The following TG variants were observed in gnomAD, a reference collection of about 807,000 sequenced individuals.
The protein encoded by TG is thyroid hormones.
TG carries 270 observed loss-of-function variants against 324.7 expected under a neutral mutation model. That is an observed-to-expected ratio of 0.83 (90% confidence interval 0.75 to 0.92). The LOEUF is 0.92. Among genes scored for constraint, TG ranks in the 40% least tolerant of loss-of-function variants. TG has a pLI of 0.00. For synonymous variants in TG, 1,401 were observed against 1,327.0 expected (o/e 1.06, Z -1.21); for missense variants, 3,591 against 3,456.4 (o/e 1.04, Z -0.98).
chr8:133,126,922 G>A (rs922348039), intron 45 of TG, among the ~76,000 whole-genome samples: 42 of 152,152 alleles, frequency 2.8e-4, no homozygotes, highest in Non-Finnish European at 5.7e-4. Context: ...AAAAAAAAGG[G>A]AGTATATTTT....
At chr8:133,120,911 A>G (rs1021411841) in intron 45 of TG, among the ~76,000 whole-genome samples, 5 of 152,206 alleles carry the variant, frequency 3.3e-5, no homozygotes, top group African/African-American at 1.2e-4. Context: ...GGTGGTCCTC[A>G]GAGGAGCAAT....
At chr8:133,060,461 C>A in intron 41 of TG, 6 of 1,142,336 alleles carry the variant, frequency 5.3e-6, no homozygotes, top group African/African-American at 1.6e-5. Flanking sequence ...TCCATTCCTC[C>A]GCACCCTTGC....
chr8:133,013,676 T>C lies in TG; in HGVS notation c.6474T>C (p.Ala2158=), dbSNP rs1438196943. 3.1e-6 allele frequency: 5 copies of C among 1,614,208 alleles called. No individual in the cohort carries two copies. Among genetic ancestry groups the C allele is most frequent in the Non-Finnish European group, 4.2e-6 (5 of 1,180,038 alleles). Residue 2158 remains alanine, a synonymous_variant, in exon 37 of 48, where the codon GCT becomes GCC. Coordinates refer to ENST00000220616, the MANE Select transcript of TG (RefSeq NM_003235.5). ...GGGCTGTGAGATGTATGTTCTATGC[T>C]GATACTCAAAGCTGCACACATAGTC... ...QPGAVRCMFY[A]DTQSCTHSLQ...
At chr8:132,982,319 G>A (rs1830969477) in intron 34 of TG, among the ~76,000 whole-genome samples, 1 of 152,304 alleles carries the variant, frequency 6.6e-6, no homozygotes, top group Non-Finnish European at 1.5e-5. Flanking sequence ...CATTGCCGCA[G>A]CTCCCTGTGA....
intron 34 of TG, among the ~76,000 whole-genome samples, chr8:132,977,320 A>C (rs898275037): frequency 2.6e-4 from 39 of 152,212 alleles, no homozygotes; most frequent in Non-Finnish European, 2.9e-5. Context: ...CAGCACTGGC[A>C]CATGAGACAA....
At chr8:133,076,470 T>C (rs1215916787) in intron 41 of TG, among the ~76,000 whole-genome samples, 5 of 152,186 alleles carry the variant, frequency 3.3e-5, no homozygotes, top group African/African-American at 9.7e-5. Flanking sequence ...AAGAAGAGCA[T>C]GCTGGGAAGG....
At chr8:133,088,155 C>G (rs873177) in intron 41 of TG, among the ~76,000 whole-genome samples, 26,227 of 152,132 alleles carry the variant, frequency 0.17, 2,493 homozygotes, top group East Asian at 0.21. Flanking sequence ...TTGGGATAGA[C>G]TCTCCCTTGT....
intron 44 of TG, 108 bp downstream of exon 44, chr8:133,113,711 G>A (rs913118886): frequency 6.2e-6 from 8 of 1,294,796 alleles, no homozygotes; most frequent in African/African-American, 1.5e-5. Flanking sequence ...CTTTGTGCTT[G>A]AGGTTTCCTC....
At position 132,923,497 on chromosome 8, in the gene TG, C is replaced by A. The variant is rs764803746; in HGVS notation, c.4688C>A (p.Ser1563Ter). The A allele has an allele frequency of 6.2e-7, 1 of 1,613,904 alleles. No homozygotes were observed. The highest frequency in any genetic ancestry group is 8.5e-7 in the Non-Finnish European group (1 of 1,179,878). ...GAAACAGAGGCCCCTCTTGAGGACT[C>A]ACAGTGTTTGAGTAGGTGCTGGGGG... ...WWETEAPLEDSQCLMMQKFEK... is the reference protein window; with the variant it reads ...WWETEAPLED Residue 1563 changes from serine to a stop codon, truncating the protein, a stop_gained, in exon 22 of 48, where the codon TCA (serine) becomes TAA (stop). Transcript: ENST00000220616. LOFTEE classifies it high-confidence loss of function.
chr8:132,924,925 A>G (rs888109270), intron 22 of TG, among the ~76,000 whole-genome samples: 22 of 152,174 alleles, frequency 1.4e-4, no homozygotes, highest in African/African-American at 5.1e-4. Context: ...ACAGTCTGCA[A>G]GGTCCCTTAA....
In TG at chr8:132,962,977, CT is replaced by C; in HGVS notation, c.5468-9del. The C allele has an allele frequency of 3.1e-6, 5 of 1,611,744 alleles. No homozygotes were observed. Among genetic ancestry groups the C allele is most frequent in the Non-Finnish European group, 4.2e-6 (5 of 1,178,008 alleles). On this transcript the variant is annotated splice_polypyrimidine_tract_variant and intron_variant, in intron 28 of 47. Transcript: ENST00000220616. Reference sequence around the variant, plus strand: ...CATTCTCCCCAACATTGCAACAACTCTTTTTTTTCCTCCTAGATTCTGACAT... The same window carrying C: ...CATTCTCCCCAACATTGCAACAACTCTTTTTTTCCTCCTAGATTCTGACAT...
intron 41 of TG, among the ~76,000 whole-genome samples, chr8:133,066,481 A>G (rs1843058656): frequency 6.6e-6 from 1 of 152,216 alleles, no homozygotes; most frequent in African/African-American, 2.4e-5. Flanking sequence ...AATTTCCAAA[A>G]TGTTTCCAAG....
chr8:133,016,845 T>C (rs1269209491), intron 37 of TG, among the ~76,000 whole-genome samples: 3 of 151,940 alleles, frequency 2.0e-5, no homozygotes, highest in African/African-American at 7.3e-5. Flanking sequence ...TGAAAGAAAA[T>C]GTCGTCGAGG....
At chr8:133,087,632 A>T (rs1047788670) in intron 41 of TG, 2 of 152,368 alleles carry the variant, frequency 1.3e-5, no homozygotes, top group Admixed American at 6.5e-5. Context: ...TTTCTAATTA[A>T]AAATGTAACA....
At chr8:132,971,751 C>T in intron 32 of TG, 43 bp from the exon 33 acceptor site, 5 of 1,419,570 alleles carry the variant, frequency 3.5e-6, no homozygotes, top group Non-Finnish European at 5.0e-6. Context: ...TCCTGGGTCA[C>T]CAGTGAAAAC....
chr8:132,972,722 C>A lies in TG; in HGVS notation c.6180C>A (p.Phe2060Leu), dbSNP rs141876854. The change falls in exon 34 of 48, where the codon TTC (phenylalanine) becomes TTA (leucine). Residue 2060 changes from phenylalanine (F) to leucine (L), a missense_variant. Coordinates refer to ENST00000220616, the MANE Select transcript of TG (RefSeq NM_003235.5). ...SPDIEVHTYP[F>L]GWYQKPIAQN... ...ACATTGAAGTCCACACCTATCCCTT[C>A]GGATGGTACCAGAAGCCCAGTAAGT... 1.9e-5 allele frequency: 30 copies of A among 1,613,966 alleles called. No homozygotes were observed. Among genetic ancestry groups the A allele is most frequent in the Non-Finnish European group, 2.5e-5 (29 of 1,180,002 alleles).
chr8:132,993,859 C>G (rs750045277), intron 35 of TG, among the ~76,000 whole-genome samples: 1 of 152,198 alleles, frequency 6.6e-6, no homozygotes, highest in African/African-American at 2.4e-5. Context: ...GAAAACCTAC[C>G]ATTTGGATTT....
At chr8:132,917,042 C>T (rs1563951906) in intron 20 of TG, among the ~76,000 whole-genome samples, 1 of 115,084 alleles carries the variant, frequency 8.7e-6, no homozygotes, top group Non-Finnish European at 1.9e-5. Flanking sequence ...TCCCTCCCTC[C>T]CTCCTTCCTT....
chr8:132,887,850 A>G, intron 9 of TG, 134 bp from the exon 10 acceptor site: 1 of 924,588 alleles, frequency 1.1e-6, no homozygotes, highest in Non-Finnish European at 1.7e-6. Context: ...ATTATTTACA[A>G]ATTTAAGCTT....
Sources: gnomAD v4.1 joint callset for allele counts (sites outside exome capture counted in the v4.1 genomes callset) on GRCh38, gnomAD v4.1.1 for gene constraint, MANE v1.5 for transcripts, NCBI Gene and HGNC (gene_info 2026-07-23, HGNC 2026-07-21) for gene names.